The following MGAM variants were observed in gnomAD, a reference collection of about 807,000 sequenced individuals.
The protein encoded by MGAM is maltase-glucoamylase, also known as alpha-1,4-glucosidase.
Under a neutral mutation model 358.8 loss-of-function variants are expected in MGAM, and 253 were observed. The observed-to-expected ratio is 0.71, with a 90% CI of 0.64 to 0.78. MGAM has a LOEUF of 0.78. Ranked by LOEUF, MGAM falls within the 30% of genes least tolerant of loss-of-function variation. The pLI is 0.00. For synonymous variants in MGAM, 1,105 were observed against 1,227.1 expected, an observed-to-expected ratio of 0.90 and a Z score of 2.08; for missense variants, 3,080 against 3,432.6, an observed-to-expected ratio of 0.90 and a Z score of 2.57.
rs1807051697 is a variant in MGAM, at chr7:142,027,138, G to A, written c.1006G>A (p.Ala336Thr). Reference protein sequence around the residue: ...AMEVVLQPAPAITYRTIGGIL... With the variant: ...AMEVVLQPAPTITYRTIGGIL... The stretch of plus-strand genomic sequence containing the variant: ...AGAGGTTGTCCTTCAGCCTGCGCCA[G>A]CCATCACTTACCGCACCATTGGGGG... The change falls in exon 9 of 71, where the codon GCC becomes ACC. Residue 336 changes from alanine (A) to threonine (T), a missense_variant. Physicochemically the swap from Ala to Thr is moderately conservative, Grantham distance 58 (BLOSUM62 0). Around this residue, in one of 5 missense-constraint regions of MGAM, gnomAD observed 1,816 missense variants for 1,840.5 expected, o/e 0.99. Coordinates refer to ENST00000475668, the MANE Select transcript of MGAM (RefSeq NM_001365693.1). 1 of 1,613,408 alleles carries A rather than the reference G, an allele frequency of 6.2e-7. No homozygotes were observed. The highest frequency in any genetic ancestry group is 8.5e-7 in the Non-Finnish European group (1 of 1,179,450).
chr7:142,105,964 T>C lies in MGAM; in HGVS notation c.*73T>C. The C allele has an allele frequency of 2.5e-6, 3 of 1,193,536 alleles. No homozygotes were observed. The highest frequency in any genetic ancestry group is 3.7e-6 in the Non-Finnish European group (3 of 807,464). The allele number at this position is 1,193,536 out of a possible 1,614,324, so 73.9% of individuals were successfully genotyped here. On this transcript the variant is annotated 3_prime_UTR_variant, in exon 71 of 71. Coordinates refer to ENST00000475668, the MANE Select transcript of MGAM (RefSeq NM_001365693.1). ...TTATACTTCATACTCATAAAAATTA[T>C]TGTGTGTTGCTAATTTGTTCATACC...
At position 142,038,451 on chromosome 7, in the gene MGAM, C is replaced by T. The variant is rs372170636; in HGVS notation, c.2232-80C>T. The stretch of plus-strand genomic sequence containing the variant: ...GGGCAGACGGCCTGCATGCTTTCAA[C>T]AGGTTGTGTGTGAGTAGAGCTGCTA... On this transcript the variant is annotated intron_variant, in intron 18 of 70. Transcript: ENST00000475668. 1.6e-4 allele frequency: 178 copies of T among 1,095,728 alleles called. No homozygotes were observed. The African/African-American group carries it at 2.4e-3, about 15-fold the overall frequency. 67.9% of individuals were successfully genotyped at this position (1,095,728 alleles called of 1,614,324 possible).
chr7:142,041,967 ATAT>A lies in MGAM; in HGVS notation c.2498+1125_2498+1127del, dbSNP rs1245943429. Among the ~76,000 whole-genome samples the A allele has an allele frequency of 5.1e-4, 13 of 25,292 alleles. 1 individual carries two copies. Among genetic ancestry groups the A allele is most frequent in the Non-Finnish European group, 9.7e-4 (13 of 13,390 alleles). The allele number at this position is 25,292 out of a possible 152,430, so 16.6% of individuals were successfully genotyped here. A position where few individuals can be genotyped will look rare whatever the true frequency, so the allele number is the denominator to read the frequency against. On this transcript the variant is annotated intron_variant, in intron 21 of 70. Transcript: ENST00000475668. ...ATATATACATATATATAATATATAT[ATAT>A]TATATATATATAATATAATATATAT...
intron 57 of MGAM, among the ~76,000 whole-genome samples, chr7:142,091,168 A>T (rs547876865): frequency 7.0e-6 from 1 of 143,582 alleles, no homozygotes; most frequent in South Asian, 2.3e-4. Context: ...AATCGCGAGA[A>T]CCTGGAAGGC....
chr7:142,069,330 C>T (rs1272257574), intron 43 of MGAM, among the ~76,000 whole-genome samples: 1 of 145,814 alleles, frequency 6.9e-6, no homozygotes, highest in African/African-American at 2.4e-5. Flanking sequence ...GTATGATTCC[C>T]AAAGACTCAG....
intron 35 of MGAM, among the ~76,000 whole-genome samples, chr7:142,063,126 A>C (rs1237770772): frequency 6.6e-6 from 1 of 152,140 alleles, no homozygotes. Context: ...TGAACATAGG[A>C]GGCAGAGTTT....
chr7:142,092,246 A>G (rs997537290), intron 58 of MGAM, among the ~76,000 whole-genome samples, 199 bp downstream of exon 58: 3 of 146,086 alleles, frequency 2.1e-5, no homozygotes, highest in African/African-American at 4.9e-5. Context: ...TTACTACTAT[A>G]AAACCTCTGA....
chr7:142,042,776 T>A (rs1179166014), intron 21 of MGAM, among the ~76,000 whole-genome samples: 2 of 78,600 alleles, frequency 2.5e-5, no homozygotes, highest in Non-Finnish European at 4.4e-5. Context: ...TATACATATA[T>A]CTAAATATAA....
At chr7:142,059,780 G>C in intron 32 of MGAM, 76 bp from the exon 33 acceptor site, 1 of 1,574,128 alleles carries the variant, frequency 6.4e-7, no homozygotes, top group Non-Finnish European at 8.7e-7. Flanking sequence ...GTTCACCCTT[G>C]AGGAGTTCTC....
chr7:142,084,452 T>C lies in MGAM; in HGVS notation c.6382-67T>C, dbSNP rs1478742439. On this transcript the variant is annotated intron_variant, in intron 53 of 70. Coordinates refer to ENST00000475668, the MANE Select transcript of MGAM (RefSeq NM_001365693.1). Reference sequence around the variant, plus strand: ...TTGGGGCACAGAAAAATATTCTTATTACTTGATGTAAAACTTCAATCTGGT... The same window carrying C: ...TTGGGGCACAGAAAAATATTCTTATCACTTGATGTAAAACTTCAATCTGGT... 57 of 1,472,208 alleles carry C rather than the reference T, an allele frequency of 3.9e-5. 11 individuals carry two copies. The Middle Eastern group carries it at 5.4e-4, about 14-fold the overall frequency. The allele number at this position is 1,472,208 out of a possible 1,614,324, so 91.2% of individuals were successfully genotyped here. A position where few individuals can be genotyped will look rare whatever the true frequency, so the allele number is the denominator to read the frequency against.
At chr7:142,026,723 G>C (rs1554461071) in intron 8 of MGAM, among the ~76,000 whole-genome samples, 1 of 152,146 alleles carries the variant, frequency 6.6e-6, no homozygotes, top group Admixed American at 6.5e-5. Context: ...TTTTTATTGA[G>C]TTCTTTTGGG....
chr7:142,062,749 T>C, intron 35 of MGAM, 47 bp downstream of exon 35: 1 of 1,610,712 alleles, frequency 6.2e-7, no homozygotes, highest in African/African-American at 1.3e-5. Flanking sequence ...TGTCTATCTT[T>C]GTGTGCCTAA....
chr7:142,089,585 G>A (rs993647212), intron 57 of MGAM, among the ~76,000 whole-genome samples: 1 of 145,982 alleles, frequency 6.9e-6, no homozygotes, highest in African/African-American at 2.4e-5. Context: ...GAGGTCAGGA[G>A]TTCAAGATCA....
chr7:142,077,818 A>G lies in MGAM; in HGVS notation c.5494-500A>G, dbSNP rs187125551. 1.9e-3 allele frequency among the ~76,000 whole-genome samples: 280 copies of G among 145,862 alleles called. 34 individuals are homozygous for G. The highest frequency in any genetic ancestry group is 4.2e-3 in the Admixed American group (61 of 14,434). Reference sequence around the variant, plus strand: ...ATTAAAAAAAGAAATCATTTGTCCAATATACTACATAAATGCGAGCATGAT... The same window carrying G: ...ATTAAAAAAAGAAATCATTTGTCCAGTATACTACATAAATGCGAGCATGAT... On this transcript the variant is annotated intron_variant, in intron 47 of 70. Transcript: ENST00000475668.
intron 21 of MGAM, among the ~76,000 whole-genome samples, chr7:142,041,934 T>TATATTATATATATACGTATAATATATAC (rs1563144642): frequency 6.8e-5 from 2 of 29,516 alleles, no homozygotes; most frequent in Non-Finnish European, 1.0e-4. Flanking sequence ...ATATAATATA[T>TATATTATATATATACGTATAATATATAC]ATATTATATA....
At chr7:142,097,466 A>G (rs997580880) in intron 65 of MGAM, 127 bp from the exon 66 acceptor site, 2 of 831,884 alleles carry the variant, frequency 2.4e-6, no homozygotes, top group African/African-American at 3.4e-5. Context: ...TCAATAGGTG[A>G]CCTCCTGGGA....
intron 26 of MGAM, among the ~76,000 whole-genome samples, chr7:142,054,385 A>G (rs1253941603): frequency 5.3e-5 from 8 of 152,152 alleles, no homozygotes; most frequent in Non-Finnish European, 1.0e-4. Flanking sequence ...AATCAAATAG[A>G]TTTCATTTTG....
At position 142,034,301 on chromosome 7, in the gene MGAM, T is replaced by C; in HGVS notation, c.1709T>C (p.Met570Thr). 6.2e-7 allele frequency: 1 copy of C among 1,600,202 alleles called. No homozygotes were observed. Among genetic ancestry groups the C allele is most frequent in the Non-Finnish European group, 8.5e-7 (1 of 1,173,204 alleles). ...DGYLFCKTLC[M>T]DAVQHWGKQY... Reference sequence around the variant, plus strand: ...TACCTGTTCTGCAAGACTCTCTGTATGGATGCAGTGCAGCACTGGGGCAAG... The same window carrying C: ...TACCTGTTCTGCAAGACTCTCTGTACGGATGCAGTGCAGCACTGGGGCAAG... The change falls in exon 15 of 71, where the codon ATG becomes ACG. Residue 570 changes from methionine (M) to threonine (T), a missense_variant. Met to Thr is a moderately conservative substitution (Grantham distance 81, BLOSUM62 -1). Around this residue, in one of 5 missense-constraint regions of MGAM, gnomAD observed 1,816 missense variants for 1,840.5 expected, o/e 0.99. Transcript: ENST00000475668.
chr7:142,067,986 A>ATTTTTTTTTTT (rs71913806), intron 42 of MGAM, among the ~76,000 whole-genome samples: 4 of 8,694 alleles, frequency 4.6e-4, no homozygotes, highest in African/African-American at 5.3e-4. Context: ...ATATATATAT[A>ATTTTTTTTTTT]TTTTTTTTTT....
Sources: gnomAD v4.1 joint callset for allele counts (sites outside exome capture counted in the v4.1 genomes callset) on GRCh38, gnomAD v4.1.1 for gene constraint, gnomAD v4.1.1 regional missense constraint, MANE v1.5 for transcripts, NCBI Gene and HGNC (gene_info 2026-07-23, HGNC 2026-07-21) for gene names.